NCOR2: variants seen among roughly 807,000 people sequenced by gnomAD.
NCOR2 encodes the protein CTG repeat protein 26.
Under a neutral mutation model 262.9 loss-of-function variants are expected in NCOR2, and 81 were observed. The observed-to-expected ratio is 0.31, with a 90% CI of 0.26 to 0.37. NCOR2 has a LOEUF of 0.37. Among genes scored for constraint, NCOR2 ranks in the 10% least tolerant of loss-of-function variants. NCOR2 has a pLI of 1.00. For missense variants in NCOR2, 3,385 were observed against 3,621.4 expected (o/e 0.93, Z 1.68); for synonymous variants, 1,659 against 1,559.3 (o/e 1.06, Z -1.51).
At chr12:124,532,230 C>A (rs2050836607) in intron 1 of NCOR2, among the ~76,000 whole-genome samples, 1 of 152,064 alleles carries the variant, frequency 6.6e-6, no homozygotes, top group Non-Finnish European at 1.5e-5. Context: ...ATGCCCCCTT[C>A]TACCATCACG....
At chr12:124,436,430 G>A (rs140936660) in intron 8 of NCOR2, among the ~76,000 whole-genome samples, 47 of 152,300 alleles carry the variant, frequency 3.1e-4, no homozygotes, top group African/African-American at 9.6e-4. Flanking sequence ...CCCTTGCCGC[G>A]TCTCTTATCC....
chr12:124,403,901 CTT>C (rs2042122064), intron 13 of NCOR2, among the ~76,000 whole-genome samples: 1 of 152,212 alleles, frequency 6.6e-6, no homozygotes, highest in Admixed American at 6.5e-5. Context: ...GCATCTGCCT[CTT>C]TTCCCCAGGA....
At chr12:124,388,795 G>C in intron 16 of NCOR2, 1 of 1,301,514 alleles carries the variant, frequency 7.7e-7, no homozygotes, top group Admixed American at 2.3e-5. Context: ...GCCGCGGTCG[G>C]CTCTGCGAGG....
chr12:124,458,012 C>T (rs2045970650), intron 5 of NCOR2, among the ~76,000 whole-genome samples: 2 of 152,200 alleles, frequency 1.3e-5, no homozygotes, highest in African/African-American at 4.8e-5. Flanking sequence ...GGTTTGGGTG[C>T]CCCCTGCACC....
At chr12:124,371,122 G>A (rs929344308) in intron 20 of NCOR2, among the ~76,000 whole-genome samples, 5 of 152,122 alleles carry the variant, frequency 3.3e-5, no homozygotes, top group African/African-American at 1.2e-4. Flanking sequence ...TCTTGGGAGA[G>A]GCTCGTAAAG....
chr12:124,330,019 A>G (rs1162513037), intron 44 of NCOR2, among the ~76,000 whole-genome samples: 9 of 151,888 alleles, frequency 5.9e-5, no homozygotes, highest in African/African-American at 2.2e-4. Flanking sequence ...ACCCCCTGAT[A>G]ATATCTGAAC....
intron 1 of NCOR2, among the ~76,000 whole-genome samples, chr12:124,560,344 C>A (rs1248494647): frequency 1.3e-5 from 2 of 152,250 alleles, no homozygotes; most frequent in Non-Finnish European, 2.9e-5. Context: ...TGCATTCCAA[C>A]AAAACTTTAT....
At chr12:124,422,470 C>A in intron 12 of NCOR2, 31 bp downstream of exon 14, 4 of 1,613,562 alleles carry the variant, frequency 2.5e-6, no homozygotes, top group Non-Finnish European at 3.4e-6. Context: ...GAGGTGGAGA[C>A]CGAAGGGGTA....
At chr12:124,418,547 G>T (rs2043033001) in intron 13 of NCOR2, among the ~76,000 whole-genome samples, 1 of 152,200 alleles carries the variant, frequency 6.6e-6, no homozygotes, top group South Asian at 2.1e-4. Flanking sequence ...CCCACCTGCA[G>T]CCTCTCCAGG....
At chr12:124,340,171 C>G in exon 37 of NCOR2, 1 of 1,542,166 alleles carries the variant, frequency 6.5e-7, no homozygotes, top group South Asian at 1.1e-5. Flanking sequence ...GCTGCCCCCA[C>G]CCCCGCCGCT....
At chr12:124,472,574 C>A (rs1160894538) in intron 4 of NCOR2, among the ~76,000 whole-genome samples, 2 of 152,226 alleles carry the variant, frequency 1.3e-5, no homozygotes, top group East Asian at 1.9e-4. Flanking sequence ...GAAACAGGAT[C>A]TGAACCTGGA....
intron 20 of NCOR2, among the ~76,000 whole-genome samples, chr12:124,367,475 G>A (rs1374893766): frequency 6.6e-6 from 1 of 152,146 alleles, no homozygotes; most frequent in Non-Finnish European, 1.5e-5. Context: ...AGAGGGAGCG[G>A]CCACCAATAG....
chr12:124,335,338 C>A (rs1411295487), intron 39 of NCOR2, 58 bp from the exon 42 acceptor site: 33 of 1,508,588 alleles, frequency 2.2e-5, no homozygotes, highest in Non-Finnish European at 2.7e-5. Flanking sequence ...CTGCTGGGCC[C>A]AAATCCCAGC....
chr12:124,421,177 C>T lies in NCOR2; in HGVS notation c.1384-1122G>A, dbSNP rs890575896. Among the ~76,000 whole-genome samples the T allele has an allele frequency of 5.3e-5, 8 of 152,364 alleles. No individual in the cohort carries two copies. In the East Asian group the frequency reaches 1.5e-3, roughly 29 times the overall value. On this transcript the variant is annotated intron_variant, in intron 12 of 46. Coordinates refer to ENST00000405201, the Ensembl canonical transcript of NCOR2. Reference sequence around the variant, plus strand: ...CTCCCAGCCAGACGTCAGCCTCACTCACTGTCAAGACCTGACTGTCCCCGC... The same window carrying T: ...CTCCCAGCCAGACGTCAGCCTCACTTACTGTCAAGACCTGACTGTCCCCGC...
At chr12:124,391,509 G>T (rs1033989257) in intron 16 of NCOR2, among the ~76,000 whole-genome samples, 25 of 152,168 alleles carry the variant, frequency 1.6e-4, no homozygotes, top group Non-Finnish European at 3.4e-4. Context: ...TGGCGGGGGG[G>T]GGGTTCCACA....
At chr12:124,512,863 G>C (rs1404660891) in intron 1 of NCOR2, among the ~76,000 whole-genome samples, 2 of 152,170 alleles carry the variant, frequency 1.3e-5, no homozygotes, top group African/African-American at 4.8e-5. Flanking sequence ...TCTCGGCCGA[G>C]GGCCAAACTG....
At chr12:124,500,724 T>G (rs2048655310) in intron 1 of NCOR2, among the ~76,000 whole-genome samples, 1 of 151,994 alleles carries the variant, frequency 6.6e-6, no homozygotes, top group Non-Finnish European at 1.5e-5. Context: ...CCTCTCCAGC[T>G]CCGGCAGGAT....
intron 13 of NCOR2, among the ~76,000 whole-genome samples, chr12:124,416,624 C>A (rs1193479562): frequency 6.8e-6 from 1 of 147,216 alleles, no homozygotes; most frequent in African/African-American, 2.5e-5. Context: ...CACAGGGAGT[C>A]CCCGCGGCAC....
chr12:124,363,662 TG>T lies in NCOR2; in HGVS notation c.2928+16del. 1 of 1,267,402 alleles carries T rather than the reference TG, an allele frequency of 7.9e-7. No homozygotes were observed. 78.5% of individuals were successfully genotyped at this position (1,267,402 alleles called of 1,614,324 possible). On this transcript the variant is annotated intron_variant, in intron 21 of 46. Coordinates refer to ENST00000405201, the Ensembl canonical transcript of NCOR2. ...GGTCAGGGTGGACTCTGTGGGGCTC[TG>T]GGGGTGGGCACTCACGATGGGGGGG...
Sources: allele counts gnomAD v4.1 joint callset (sites outside exome capture counted in the v4.1 genomes callset), GRCh38; gene constraint gnomAD v4.1.1; transcripts MANE v1.5; gene names NCBI Gene and HGNC (gene_info 2026-07-23, HGNC 2026-07-21).